Variants in F2RL2 observed in about 807,000 individuals in gnomAD.
The protein encoded by F2RL2 is proteinase-activated receptor 3.
A neutral mutation model predicts 4.3 loss-of-function variants in F2RL2; 4 were observed. That is an observed-to-expected ratio of 0.93 (90% confidence interval 0.46 to 2.12). The LOEUF is 2.12. F2RL2 is among the 30% of genes most tolerant of loss of function. The pLI, the probability that F2RL2 is intolerant of heterozygous loss-of-function variation, is 0.02. For synonymous variants in F2RL2, 166 were observed against 170.9 expected, an observed-to-expected ratio of 0.97 and a Z score of 0.22; for missense variants, 408 against 449.3, an observed-to-expected ratio of 0.91 and a Z score of 0.83.
In F2RL2 at chr5:76,623,307, T is replaced by C. The variant is rs544583761; in HGVS notation, c.-77A>G. The C allele has an allele frequency of 1.7e-5, 26 of 1,543,114 alleles. No homozygotes were observed. The African/African-American group carries it at 3.3e-4, about 19-fold the overall frequency. ...GGAGCACAATTTCACCTCAGTTCCA[T>C]GTGTCAGCAGCAAATGGAAGCCTTG... is the stretch of plus-strand genomic sequence containing the variant. On this transcript the variant is annotated 5_prime_UTR_variant, in exon 1 of 2. An upstream start codon of the reference 5' UTR is lost. Transcript: ENST00000296641.
chr5:76,620,491 A>G (rs1003296999), intron 1 of F2RL2, among the ~76,000 whole-genome samples: 1 of 152,164 alleles, frequency 6.6e-6, no homozygotes, highest in Non-Finnish European at 1.5e-5. Context: ...AGGAGACAGG[A>G]TCGGGGAGAA....
Position 76,618,933 on chromosome 5 carries a change from A to T in F2RL2, c.65-291T>A, listed in dbSNP as rs141538835. On this transcript the variant is annotated intron_variant, in intron 1 of 1. Transcript: ENST00000296641. ...CCATCAGAACATTATAGGCATGTTG[A>T]CTACAAACTATACAGGCATTCAGAC... Among the ~76,000 whole-genome samples the T allele has an allele frequency of 4.4e-3, 678 of 152,360 alleles. 3 individuals are homozygous for T. The highest frequency in any genetic ancestry group is 8.1e-3 in the Non-Finnish European group (548 of 68,034).
chr5:76,623,361 G>T lies in F2RL2; in HGVS notation c.-131C>A. 2 of 1,057,418 alleles carry T rather than the reference G, an allele frequency of 1.9e-6. No individual in the cohort carries two copies. The highest frequency in any genetic ancestry group is 2.8e-6 in the Non-Finnish European group (2 of 719,720). The allele number at this position is 1,057,418 out of a possible 1,614,324, so 65.5% of individuals were successfully genotyped here. Reference sequence around the variant, plus strand: ...TGTCTGTAGAAGTTTGCTCTCCTGTGCCGTGCAGGCAGGAAACTTGCCCTG... The same window carrying T: ...TGTCTGTAGAAGTTTGCTCTCCTGTTCCGTGCAGGCAGGAAACTTGCCCTG... On this transcript the variant is annotated 5_prime_UTR_variant, in exon 1 of 2. Transcript: ENST00000296641.
rs773323091 is a variant in F2RL2 at position 76,619,514 on chromosome 5, CTT to C, written c.65-874_65-873del. 1.4e-3 allele frequency among the ~76,000 whole-genome samples: 141 copies of C among 104,248 alleles called. 2 individuals are homozygous for C. Among genetic ancestry groups the C allele is most frequent in the African/African-American group, 3.9e-3 (98 of 25,004 alleles). 68.4% of individuals were successfully genotyped at this position (104,248 alleles called of 152,430 possible). A position where few individuals can be genotyped will look rare whatever the true frequency, so the allele number is the denominator to read the frequency against. On this transcript the variant is annotated intron_variant, in intron 1 of 1. Transcript: ENST00000296641. ...CAGATCTAACTTAGTTAAGGATCTT[CTT>C]TTTTTTTTTTTTTTTTTTTTGAGAC...
At position 76,617,717 on chromosome 5, in the gene F2RL2, G is replaced by C; in HGVS notation, c.990C>G (p.Tyr330Ter). 6.2e-7 allele frequency: 1 copy of C among 1,614,016 alleles called. No homozygotes were observed. The highest frequency in any genetic ancestry group is 2.2e-5 in the East Asian group (1 of 44,860). ...ILIIHHANYY[Y>*]NNTDGLYFIY... ...TAAAATATAAGCCATCAGTGTTGTTGTAGTAGTAGTTAGCATGGTGAATAA... is the reference window on the plus strand; with the variant it reads ...TAAAATATAAGCCATCAGTGTTGTTCTAGTAGTAGTTAGCATGGTGAATAA... Residue 330 changes from tyrosine to a stop codon, truncating the protein, a stop_gained, in exon 2 of 2, where the codon TAC becomes TAG. Transcript: ENST00000296641. LOFTEE classifies it high-confidence loss of function.
chr5:76,622,567 A>G (rs1749804806), intron 1 of F2RL2, among the ~76,000 whole-genome samples: 2 of 152,194 alleles, frequency 1.3e-5, no homozygotes, highest in South Asian at 4.1e-4. Context: ...TCAGGCTAAC[A>G]TTGTGATGGG....
chr5:76,623,035 T>C (rs1749860911), intron 1 of F2RL2, 132 bp downstream of exon 1: 2 of 798,048 alleles, frequency 2.5e-6, no homozygotes, highest in Non-Finnish European at 4.2e-6. Flanking sequence ...GATTCTACCT[T>C]TTAATAATAA....
chr5:76,618,667 A>T (rs774327802), intron 1 of F2RL2, 25 bp from the exon 2 acceptor site: 10 of 1,537,044 alleles, frequency 6.5e-6, no homozygotes, highest in Non-Finnish European at 8.0e-6. Flanking sequence ...AAGTATTAAC[A>T]TAAATGTATA....
In F2RL2 at chr5:76,617,569, T is replaced by G; in HGVS notation, c.*13A>C. The G allele has an allele frequency of 6.3e-7, 1 of 1,591,608 alleles. No homozygotes were observed. The highest frequency in any genetic ancestry group is 8.6e-7 in the Non-Finnish European group (1 of 1,167,186). ...CTCTGTGATGGCTGTCCTTGTTCTC[T>G]AAGATCATTTCACTATTTTGTAAGG... On this transcript the variant is annotated 3_prime_UTR_variant, in exon 2 of 2. Transcript: ENST00000296641.
At position 76,618,192 on chromosome 5, in the gene F2RL2, A is replaced by G. The variant is rs140119980; in HGVS notation, c.515T>C (p.Ile172Thr). The part of the protein sequence containing the change: ...GEVLCRATTV[I>T]FYGNMYCSIL... ...GGAGCAGTACATGTTGCCATAGAAG[A>G]TGACTGTGGTGGCCCGGCACAGGAC... The change falls in exon 2 of 2, where the codon ATC becomes ACC. Residue 172 changes from isoleucine (I) to threonine (T), a missense_variant. Coordinates refer to ENST00000296641, the MANE Select transcript of F2RL2 (RefSeq NM_004101.4). The G allele has an allele frequency of 1.5e-5, 25 of 1,614,182 alleles. No individual in the cohort carries two copies. In the African/African-American group the frequency reaches 3.3e-4, roughly 22 times the overall value.
At chr5:76,620,719 G>C (rs968600753) in intron 1 of F2RL2, among the ~76,000 whole-genome samples, 4 of 151,968 alleles carry the variant, frequency 2.6e-5, no homozygotes, top group African/African-American at 9.7e-5. Context: ...AGAATCCAAA[G>C]GTGGACTTTA....
At position 76,617,550 on chromosome 5, in the gene F2RL2, G is replaced by A. The variant is rs775317252; in HGVS notation, c.*32C>T. ...GTTCTTGAAAACAGACGTTCTCTGT[G>A]ATGGCTGTCCTTGTTCTCTAAGATC... is the stretch of plus-strand genomic sequence containing the variant. On this transcript the variant is annotated 3_prime_UTR_variant, in exon 2 of 2. Coordinates refer to ENST00000296641, the MANE Select transcript of F2RL2 (RefSeq NM_004101.4). 3 of 1,534,098 alleles carry A rather than the reference G, an allele frequency of 2.0e-6. No individual in the cohort carries two copies. Among genetic ancestry groups the A allele is most frequent in the Non-Finnish European group, 2.7e-6 (3 of 1,127,332 alleles).
In F2RL2 at chr5:76,617,401, G is replaced by A; in HGVS notation, c.*181C>T. 1 of 574,706 alleles carries A rather than the reference G, an allele frequency of 1.7e-6. No individual in the cohort carries two copies. Among genetic ancestry groups the A allele is most frequent in the Non-Finnish European group, 3.0e-6 (1 of 328,608 alleles). 35.6% of individuals were successfully genotyped at this position (574,706 alleles called of 1,614,324 possible). ...ATAGTGCCACTGCACGCCAGTCTGG[G>A]TGATAAAGTGAGACTCAGTCTCAAA... On this transcript the variant is annotated 3_prime_UTR_variant, in exon 2 of 2. Coordinates refer to ENST00000296641, the MANE Select transcript of F2RL2 (RefSeq NM_004101.4).
Position 76,617,434 on chromosome 5 carries a change from A to T in F2RL2, c.*148T>A. ...GTGAGACTCAGTCTCAAAAACAAAC[A>T]AACAAACTACTAATGCTTTTGTAAT... On this transcript the variant is annotated 3_prime_UTR_variant, in exon 2 of 2. Coordinates refer to ENST00000296641, the MANE Select transcript of F2RL2 (RefSeq NM_004101.4). 1.5e-6 allele frequency: 1 copy of T among 645,984 alleles called. No individual in the cohort carries two copies. Among genetic ancestry groups the T allele is most frequent in the Non-Finnish European group, 2.6e-6 (1 of 383,906 alleles). 40.0% of individuals were successfully genotyped at this position (645,984 alleles called of 1,614,324 possible).
At position 76,616,100 on chromosome 5, in the gene F2RL2, T is replaced by C. The variant is rs1171969604; in HGVS notation, c.*1482A>G. ...AGGCAGAGGATGAGCACCTTCTCCA[T>C]TATACTTGGTACTTGATTGTTCATG... On this transcript the variant is annotated 3_prime_UTR_variant, in exon 2 of 2. Coordinates refer to ENST00000296641, the MANE Select transcript of F2RL2 (RefSeq NM_004101.4). 6.6e-6 allele frequency: 1 copy of C among 152,648 alleles called. No homozygotes were observed. Among genetic ancestry groups the C allele is most frequent in the Non-Finnish European group, 1.5e-5 (1 of 68,050 alleles). The allele number at this position is 152,648 out of a possible 1,614,324, so 9.5% of individuals were successfully genotyped here.
At chr5:76,619,598 C>G (rs1749406821) in intron 1 of F2RL2, among the ~76,000 whole-genome samples, 4 of 150,730 alleles carry the variant, frequency 2.7e-5, no homozygotes, top group South Asian at 2.1e-4. Flanking sequence ...CTCACTGCAA[C>G]CTCCGCCTCC....
At chr5:76,619,963 G>T (rs1440855488) in intron 1 of F2RL2, among the ~76,000 whole-genome samples, 1 of 152,094 alleles carries the variant, frequency 6.6e-6, no homozygotes, top group Non-Finnish European at 1.5e-5. Flanking sequence ...ATGGAAGAAA[G>T]GGTCATAACC....
intron 1 of F2RL2, among the ~76,000 whole-genome samples, chr5:76,620,323 G>A (rs1223913070): frequency 6.6e-6 from 1 of 152,044 alleles, no homozygotes; most frequent in African/African-American, 2.4e-5. Flanking sequence ...TGGAAAGGCA[G>A]AGGCGAACAC....
At chr5:76,621,016 T>C (rs1749607367) in intron 1 of F2RL2, among the ~76,000 whole-genome samples, 1 of 152,232 alleles carries the variant, frequency 6.6e-6, no homozygotes, top group Non-Finnish European at 1.5e-5. Context: ...TTTCTAATGT[T>C]ACCTTTAAGA....
Sources: gnomAD v4.1 joint callset for allele counts (sites outside exome capture counted in the v4.1 genomes callset) on GRCh38, gnomAD v4.1.1 for gene constraint, MANE v1.5 for transcripts, NCBI Gene and HGNC (gene_info 2026-07-23, HGNC 2026-07-21) for gene names.